Variants in FGFR2 observed in about 807,000 individuals in gnomAD.
FGFR2 encodes fibroblast growth factor receptor 2.
Under a neutral mutation model 95.9 loss-of-function variants are expected in FGFR2, and 19 were observed. The observed-to-expected ratio is 0.20, with a 90% CI of 0.14 to 0.29. FGFR2 has a LOEUF of 0.29. Ranked by LOEUF, FGFR2 falls within the 10% of genes least tolerant of loss-of-function variation. FGFR2 has a pLI of 1.00. For missense variants in FGFR2, 707 were observed against 1,056.9 expected (o/e 0.67, Z 4.59); for synonymous variants, 392 against 393.3 (o/e 1.00, Z 0.04).
rs115782249 is a variant in FGFR2 at position 121,521,618 on chromosome 10, G to A, written c.749-1449C>T. 2.5e-3 allele frequency among the ~76,000 whole-genome samples: 375 copies of A among 148,124 alleles called. 2 individuals are homozygous for A. Among genetic ancestry groups the A allele is most frequent in the African/African-American group, 8.6e-3 (346 of 40,356 alleles). ...GCGTTCCAAATCAAAACCACAAGGA[G>A]CTATCACATGACACCTGTCAGGATG... On this transcript the variant is annotated intron_variant, in intron 6 of 17. Transcript: ENST00000358487.
At chr10:121,575,738 C>A (rs1468581513) in intron 2 of FGFR2, among the ~76,000 whole-genome samples, 1 of 151,818 alleles carries the variant, frequency 6.6e-6, no homozygotes, top group African/African-American at 2.4e-5. Context: ...CCCCTGTAAT[C>A]CCAGCTACTC....
intron 2 of FGFR2, among the ~76,000 whole-genome samples, chr10:121,567,884 A>G (rs1857941877): frequency 6.6e-6 from 1 of 152,246 alleles, no homozygotes; most frequent in African/African-American, 2.4e-5. Context: ...TTGCCTTTGC[A>G]AAAAGTGTTT....
chr10:121,529,085 CCTGG>C (rs1262751679), intron 6 of FGFR2, among the ~76,000 whole-genome samples: 3 of 151,790 alleles, frequency 2.0e-5, no homozygotes, highest in African/African-American at 7.3e-5. Context: ...CACCATGACG[CCTGG>C]CTAATTTTTA....
chr10:121,583,282 C>T (rs1861240566), intron 2 of FGFR2: 2 of 152,220 alleles, frequency 1.3e-5, no homozygotes, highest in Non-Finnish European at 2.9e-5. Flanking sequence ...AGTCGTAAAT[C>T]AGAAATTCTG....
At chr10:121,591,695 C>G (rs1418178353) in intron 2 of FGFR2, among the ~76,000 whole-genome samples, 1 of 152,116 alleles carries the variant, frequency 6.6e-6, no homozygotes, top group Non-Finnish European at 1.5e-5. Context: ...ATTCTGGATG[C>G]AAATGAACTC....
chr10:121,546,137 C>T (rs1439440825), intron 5 of FGFR2, among the ~76,000 whole-genome samples: 1 of 149,086 alleles, frequency 6.7e-6, no homozygotes, highest in African/African-American at 2.5e-5. Context: ...ATTGCAATAA[C>T]TGTCCTGAGC....
intron 6 of FGFR2, among the ~76,000 whole-genome samples, chr10:121,524,137 CACA>C (rs1564926363): frequency 7.1e-6 from 1 of 140,522 alleles, no homozygotes; most frequent in Non-Finnish European, 1.6e-5. Context: ...CACACACACA[CACA>C]CACACACCCC....
chr10:121,544,186 GC>G (rs1854169694), intron 5 of FGFR2, among the ~76,000 whole-genome samples: 1 of 152,170 alleles, frequency 6.6e-6, no homozygotes, highest in African/African-American at 2.4e-5. Context: ...AGTGGCTCAT[GC>G]CTGTAATCCC....
chr10:121,491,002 C>T (rs1377062185), intron 13 of FGFR2, among the ~76,000 whole-genome samples: 2 of 152,138 alleles, frequency 1.3e-5, no homozygotes, highest in African/African-American at 2.4e-5. Flanking sequence ...GAGGCCTGTT[C>T]AAATTGAACT....
At chr10:121,481,341 G>A (rs989254843) in intron 17 of FGFR2, among the ~76,000 whole-genome samples, 2 of 151,970 alleles carry the variant, frequency 1.3e-5, no homozygotes, top group African/African-American at 4.8e-5. Flanking sequence ...CAGCCTCAGT[G>A]TTATCAGAAA....
intron 9 of FGFR2, among the ~76,000 whole-genome samples, chr10:121,510,928 A>G (rs1207557630): frequency 6.6e-6 from 1 of 151,966 alleles, no homozygotes; most frequent in Non-Finnish European, 1.5e-5. Flanking sequence ...TAGTTTCCCA[A>G]GTAGCTGAGA....
chr10:121,538,826 A>C (rs1232213037), intron 5 of FGFR2, 111 bp from the exon 6 acceptor site: 2 of 1,360,900 alleles, frequency 1.5e-6, no homozygotes, highest in African/African-American at 2.9e-5. Flanking sequence ...GGTATGGAAG[A>C]ATCACCTAAA....
chr10:121,551,988 G>T (rs3135741), intron 4 of FGFR2, among the ~76,000 whole-genome samples: 1 of 149,878 alleles, frequency 6.7e-6, no homozygotes, highest in Non-Finnish European at 1.5e-5. Flanking sequence ...AGAGTCATTC[G>T]TACATTTCTC....
At chr10:121,586,779 T>C (rs773566094) in intron 2 of FGFR2, among the ~76,000 whole-genome samples, 33 of 152,202 alleles carry the variant, frequency 2.2e-4, no homozygotes, top group Non-Finnish European at 3.5e-4. Context: ...AGCTACCACA[T>C]ACAAATCACA....
At chr10:121,533,086 T>C (rs1221019434) in intron 6 of FGFR2, among the ~76,000 whole-genome samples, 3 of 152,168 alleles carry the variant, frequency 2.0e-5, no homozygotes. Flanking sequence ...AACAAATTTC[T>C]GGAAAGTTAA....
intron 6 of FGFR2, among the ~76,000 whole-genome samples, chr10:121,532,309 T>A (rs966609205): frequency 1.3e-5 from 2 of 152,146 alleles, no homozygotes; most frequent in Admixed American, 1.3e-4. Context: ...CTAACGTCTC[T>A]GGACGTGCAG....
intron 2 of FGFR2, among the ~76,000 whole-genome samples, chr10:121,571,715 G>A (rs979429777): frequency 3.3e-5 from 5 of 152,114 alleles, no homozygotes; most frequent in African/African-American, 9.6e-5. Context: ...AGGCCGAAGC[G>A]GGCGGATCAC....
intron 2 of FGFR2, among the ~76,000 whole-genome samples, chr10:121,568,899 C>T (rs1277929704): frequency 6.6e-6 from 1 of 152,106 alleles, no homozygotes; most frequent in Non-Finnish European, 1.5e-5. Context: ...ATGGGAGATG[C>T]CTGGTGAAGG....
At chr10:121,492,499 T>C (rs1846271794) in intron 13 of FGFR2, among the ~76,000 whole-genome samples, 1 of 152,170 alleles carries the variant, frequency 6.6e-6, no homozygotes, top group African/African-American at 2.4e-5. Context: ...TGAGCACAGA[T>C]GAACCCAGTA....
Sources: allele counts gnomAD v4.1 joint callset (sites outside exome capture counted in the v4.1 genomes callset), GRCh38; gene constraint gnomAD v4.1.1; transcripts MANE v1.5; gene names NCBI Gene and HGNC (gene_info 2026-07-23, HGNC 2026-07-21).